The following UBE3A variants were observed in gnomAD, a reference collection of about 807,000 sequenced individuals.
UBE3A encodes ubiquitin protein ligase E3A, also known as ubiquitin-protein ligase E3A.
In UBE3A, 6 loss-of-function variants were observed where a neutral mutation model predicts 83.4. That is an observed-to-expected ratio of 0.07 (90% CI 0.04 to 0.14). UBE3A has a LOEUF of 0.14. UBE3A is among the 10% of genes least tolerant of loss of function. The pLI, the probability that UBE3A is intolerant of heterozygous loss-of-function variation, is 1.00. For synonymous variants in UBE3A, 337 were observed against 355.4 expected (o/e 0.95, Z 0.58); for missense variants, 456 against 1,036.1 (o/e 0.44, Z 7.69).
intron 7 of UBE3A, 92 bp from the exon 8 acceptor site, chr15:25,356,988 A>C: frequency 1.8e-6 from 2 of 1,094,096 alleles, no homozygotes; most frequent in East Asian, 5.2e-5. Context: ...AATTATGCAT[A>C]TAAAACATTT....
At chr15:25,354,119 G>A (rs2076903256) in intron 11 of UBE3A, 6 of 568,994 alleles carry the variant, frequency 1.1e-5, no homozygotes, top group Admixed American at 3.0e-5. Context: ...TAATCCATAC[G>A]CCAAATGCAG....
chr15:25,425,345 T>G (rs985444111), intron 1 of UBE3A, among the ~76,000 whole-genome samples: 1 of 152,138 alleles, frequency 6.6e-6, no homozygotes, highest in African/African-American at 2.4e-5. Context: ...GGATTTATTT[T>G]GGGGATGATG....
intron 1 of UBE3A, among the ~76,000 whole-genome samples, chr15:25,434,021 C>T (rs947668363): frequency 2.6e-5 from 4 of 152,116 alleles, no homozygotes; most frequent in Admixed American, 6.5e-5. Flanking sequence ...ATGACAGCAC[C>T]ACTGCACTCC....
intron 1 of UBE3A, among the ~76,000 whole-genome samples, chr15:25,428,608 A>T (rs1281034961): frequency 1.3e-5 from 2 of 152,204 alleles, no homozygotes; most frequent in Non-Finnish European, 2.9e-5. Context: ...CTTTAAAAAC[A>T]TTTATTTTTG....
rs1489037694 is a variant in UBE3A, at chr15:25,371,952, T to C, written c.362-140A>G. Reference sequence around the variant, plus strand: ...GATATACAACTCTTAAAGTATCTAATACTTAGATTCAGCAAACAAAATTTA... The same window carrying C: ...GATATACAACTCTTAAAGTATCTAACACTTAGATTCAGCAAACAAAATTTA... On this transcript the variant is annotated intron_variant, in intron 5 of 12. Transcript: ENST00000648336. This position sits in a 1 kb window ranked among gnomAD's most constrained non-coding sequence, Gnocchi z 5.3. The C allele has an allele frequency of 1.1e-6, 1 of 912,412 alleles. No homozygotes were observed. Among genetic ancestry groups the C allele is most frequent in the Non-Finnish European group, 1.6e-6 (1 of 623,204 alleles). 56.5% of individuals were successfully genotyped at this position (912,412 alleles called of 1,614,324 possible). A position where few individuals can be genotyped will look rare whatever the true frequency, so the allele number is the denominator to read the frequency against.
intron 1 of UBE3A, among the ~76,000 whole-genome samples, chr15:25,413,341 C>T (rs1335197446): frequency 6.6e-6 from 1 of 152,098 alleles, no homozygotes; most frequent in Non-Finnish European, 1.5e-5. Flanking sequence ...CCTTCTAAAG[C>T]TGTTTCAAAA....
chr15:25,355,691 A>C (rs2077120470), intron 9 of UBE3A, among the ~76,000 whole-genome samples: 1 of 152,174 alleles, frequency 6.6e-6, no homozygotes, highest in South Asian at 2.1e-4. Context: ...TTTCTCTAAA[A>C]GGGGCTTTAG....
intron 4 of UBE3A, among the ~76,000 whole-genome samples, chr15:25,395,674 G>A (rs938440881): frequency 6.6e-6 from 1 of 152,200 alleles, no homozygotes; most frequent in Non-Finnish European, 1.5e-5. Context: ...AGACTTAACT[G>A]TTGGATAAAT....
At chr15:25,414,187 T>A (rs117513283) in intron 1 of UBE3A, among the ~76,000 whole-genome samples, 1 of 152,200 alleles carries the variant, frequency 6.6e-6, no homozygotes, top group Non-Finnish European at 1.5e-5. Context: ...GAACTCACTC[T>A]GCCTAATCTC....
Position 25,338,174 on chromosome 15 carries a change from GTAAT to G in UBE3A, c.*959_*962del, listed in dbSNP as rs751254744. ...TATTTAAAATCTAGGTAATAAGTAA[GTAAT>G]TAATAAAAACTCTATCTTAAGTGCA... On this transcript the variant is annotated 3_prime_UTR_variant, in exon 13 of 13. Transcript: ENST00000648336. The G allele has an allele frequency of 6.6e-6, 1 of 152,038 alleles. No homozygotes were observed. The highest frequency in any genetic ancestry group is 1.5e-5 in the Non-Finnish European group (1 of 67,968). 9.4% of individuals were successfully genotyped at this position (152,038 alleles called of 1,614,324 possible).
chr15:25,334,279 T>G lies in UBE3A; in HGVS notation c.*4858A>C, dbSNP rs539690425. The G allele has an allele frequency of 2.8e-4, 42 of 152,156 alleles. No individual in the cohort carries two copies. In the East Asian group the frequency reaches 6.7e-3, roughly 24 times the overall value. 9.4% of individuals were successfully genotyped at this position (152,156 alleles called of 1,614,324 possible). ...TTAATTTTATTTCTAACACCAGTGA[T>G]GAATACAAAAATAAAAATTAGAAAA... is the stretch of plus-strand genomic sequence containing the variant. On this transcript the variant is annotated 3_prime_UTR_variant, in exon 13 of 13. Coordinates refer to ENST00000648336, the MANE Select transcript of UBE3A (RefSeq NM_130839.5).
intron 6 of UBE3A, among the ~76,000 whole-genome samples, chr15:25,368,378 T>C (rs1352466385): frequency 1.3e-5 from 2 of 152,110 alleles, no homozygotes; most frequent in Non-Finnish European, 2.9e-5. Context: ...TCACATTCTG[T>C]TATTTTTTTA....
In UBE3A at chr15:25,370,920, T is replaced by C. The variant is rs757351048; in HGVS notation, c.1254A>G (p.Lys418=). The change falls in exon 6 of 13, where the codon AAA becomes AAG. Residue 418 remains lysine (K), a synonymous_variant. Transcript: ENST00000648336. This position sits in a 1 kb window ranked among gnomAD's most constrained non-coding sequence, Gnocchi z 4.2. The stretch of plus-strand genomic sequence containing the variant: ...TTTCCAGGGGGTCCACTCGAGGACC[T>C]TTCTTGTTTCTTCTTTCTTCTCCCA... The part of the protein sequence containing the change: ...ELLGEERRNK[K]GPRVDPLETE... 1 of 1,614,120 alleles carries C rather than the reference T, an allele frequency of 6.2e-7. No homozygotes were observed. The highest frequency in any genetic ancestry group is 1.3e-5 in the African/African-American group (1 of 75,054).
At chr15:25,360,564 T>C (rs375888151) in intron 6 of UBE3A, 37 bp from the exon 7 acceptor site, 100 of 1,606,900 alleles carry the variant, frequency 6.2e-5, no homozygotes, top group Middle Eastern at 1.6e-4. Flanking sequence ...AAGAAGATGA[T>C]TGCTAGTATC....
At chr15:25,378,316 TTAAG>T (rs1940916992) in intron 4 of UBE3A, among the ~76,000 whole-genome samples, 1 of 152,118 alleles carries the variant, frequency 6.6e-6, no homozygotes, top group Admixed American at 6.5e-5. Flanking sequence ...AAGATCTGCA[TTAAG>T]TGTCATCCTT....
At position 25,371,822 on chromosome 15, in the gene UBE3A, C is replaced by CAATTCT. The variant is rs760573646; in HGVS notation, c.362-11_362-10insAGAATT. ...GTTAAGTAAGTCACATCTAGAAAAT[C>CAATTCT]AGAGGAAAAAAGAGAACATTTATTT... On this transcript the variant is annotated splice_polypyrimidine_tract_variant and intron_variant, in intron 5 of 12. Coordinates refer to ENST00000648336, the MANE Select transcript of UBE3A (RefSeq NM_130839.5). The surrounding 1 kb of genome is among the most constrained non-coding windows in gnomAD (Gnocchi z 5.3). 6.2e-7 allele frequency: 1 copy of CAATTCT among 1,600,338 alleles called. No individual in the cohort carries two copies. Among genetic ancestry groups the CAATTCT allele is most frequent in the African/African-American group, 1.3e-5 (1 of 74,212 alleles).
chr15:25,339,814 A>G (rs1474748717), intron 12 of UBE3A: 4 of 470,422 alleles, frequency 8.5e-6, no homozygotes, highest in Non-Finnish European at 1.5e-5. Context: ...ATGGCTTTCA[A>G]TTAACAAGCT....
intron 3 of UBE3A, chr15:25,408,437 C>A: frequency 2.5e-6 from 2 of 810,340 alleles, no homozygotes; most frequent in Non-Finnish European, 4.0e-6. Flanking sequence ...TAAAGTGTGT[C>A]AGAATAACAA....
intron 1 of UBE3A, among the ~76,000 whole-genome samples, chr15:25,412,697 C>T (rs1426605619): frequency 6.6e-6 from 1 of 150,972 alleles, no homozygotes; most frequent in Non-Finnish European, 1.5e-5. Context: ...TACTGCATTA[C>T]ATATAAAGAA....
Sources: allele counts gnomAD v4.1 joint callset (sites outside exome capture counted in the v4.1 genomes callset), GRCh38; gene constraint gnomAD v4.1.1; non-coding constraint Gnocchi (gnomAD v3.1); transcripts MANE v1.5; gene names NCBI Gene and HGNC (gene_info 2026-07-23, HGNC 2026-07-21).